Variants in ATP2C1 observed in about 807,000 individuals in gnomAD.
ATP2C1 encodes the protein ATPase secretory pathway Ca2+ transporting 1, also known as calcium-transporting ATPase type 2C member 1.
Under a neutral mutation model 120.5 loss-of-function variants are expected in ATP2C1, and 31 were observed. The observed-to-expected ratio is 0.26, with a 90% confidence interval of 0.19 to 0.35. The LOEUF (loss-of-function observed/expected upper bound fraction) is 0.35. Ranked by LOEUF, ATP2C1 falls within the 10% of genes least tolerant of loss-of-function variation. The probability of loss-of-function intolerance (pLI) is 1.00; values close to 1 mark genes in which losing one functional copy is unlikely to be tolerated. For synonymous variants in ATP2C1, 351 were observed against 358.7 expected, an observed-to-expected ratio of 0.98 and a Z score of 0.24; for missense variants, 731 against 1,107.5, an observed-to-expected ratio of 0.66 and a Z score of 4.83.
chr3:130,850,820 T>C, exon 1 of ATP2C1: 21 of 1,426,952 alleles, frequency 1.5e-5, no homozygotes, highest in Non-Finnish European at 1.8e-5. Flanking sequence ...CTTTCCTCAC[T>C]ATGGATAGTC....
At chr3:130,873,826 A>G (rs1576563548) in intron 1 of ATP2C1, among the ~76,000 whole-genome samples, 1 of 152,128 alleles carries the variant, frequency 6.6e-6, no homozygotes, top group African/African-American at 2.4e-5. Context: ...AAGAAAAAAA[A>G]TCTAGCCAGG....
rs1040036001 is a variant in ATP2C1 at position 130,895,364 on chromosome 3, T to A, written c.6+589T>A. On this transcript the variant is annotated intron_variant, in intron 2 of 27. Transcript: ENST00000510168. ...CATTTAGGAGGCTGACAGCGGAACCTGTTTGTTCACTGTACACTTTGGACA... is the reference window on the plus strand; with the variant it reads ...CATTTAGGAGGCTGACAGCGGAACCAGTTTGTTCACTGTACACTTTGGACA... 3.3e-5 allele frequency among the ~76,000 whole-genome samples: 5 copies of A among 152,366 alleles called. No homozygotes were observed. In the East Asian group the frequency reaches 9.6e-4, roughly 29 times the overall value.
chr3:130,955,503 G>T (rs1035357228), intron 10 of ATP2C1, among the ~76,000 whole-genome samples: 1 of 152,082 alleles, frequency 6.6e-6, no homozygotes, highest in African/African-American at 2.4e-5. Flanking sequence ...AGATATTCTC[G>T]GCTAAAAGTA....
intron 2 of ATP2C1, among the ~76,000 whole-genome samples, chr3:130,903,816 G>A (rs1165369700): frequency 1.3e-5 from 2 of 151,722 alleles, no homozygotes; most frequent in African/African-American, 4.8e-5. Flanking sequence ...AATATAGGAT[G>A]GCAACAAAAT....
chr3:130,985,816 C>G (rs1277914617), intron 20 of ATP2C1, among the ~76,000 whole-genome samples: 1 of 152,132 alleles, frequency 6.6e-6, no homozygotes, highest in African/African-American at 2.4e-5. Flanking sequence ...TGAAGTCTTG[C>G]AGCATGATGA....
intron 2 of ATP2C1, among the ~76,000 whole-genome samples, chr3:130,915,108 C>G (rs2058623317): frequency 6.6e-6 from 1 of 151,380 alleles, no homozygotes; most frequent in African/African-American, 2.4e-5. Flanking sequence ...TTTTTCCCCC[C>G]CTTGAGACGA....
chr3:130,958,996 A>G (rs1373133843), intron 11 of ATP2C1, among the ~76,000 whole-genome samples: 2 of 152,054 alleles, frequency 1.3e-5, no homozygotes. Flanking sequence ...GCTTTAAGGG[A>G]TGGTAGGAGC....
At position 130,975,419 on chromosome 3, in the gene ATP2C1, A is replaced by T; in HGVS notation, c.1501A>T (p.Thr501Ser). The T allele has an allele frequency of 6.2e-7, 1 of 1,613,974 alleles. No homozygotes were observed. Among genetic ancestry groups the T allele is most frequent in the Non-Finnish European group, 8.5e-7 (1 of 1,179,918 alleles). Residue 501 changes from threonine to serine, a missense_variant, in exon 18 of 28, where the codon ACA becomes TCA. Around this residue, in one of 3 missense-constraint regions of ATP2C1, gnomAD observed 571 missense variants for 845.9 expected, o/e 0.67. Transcript: ENST00000510168. ...ATACCAGAGCAAAGGGCAGACCTTG[A>T]CACTTACTCAGCAGCAGAGAGATGT... ...TTYQSKGQTL[T>S]LTQQQRDVYQ...
chr3:130,861,061 G>C (rs1054158813), intron 1 of ATP2C1, among the ~76,000 whole-genome samples: 1 of 152,188 alleles, frequency 6.6e-6, no homozygotes, highest in African/African-American at 2.4e-5. Flanking sequence ...GTTGAGGTCA[G>C]GAGTTCAAAA....
intron 20 of ATP2C1, among the ~76,000 whole-genome samples, chr3:130,988,477 A>G (rs918974750): frequency 1.3e-5 from 2 of 152,108 alleles, no homozygotes. Context: ...AAAATACCCA[A>G]CTGTCACAAC....
intron 2 of ATP2C1, among the ~76,000 whole-genome samples, chr3:130,927,184 T>A (rs1306380651): frequency 6.6e-6 from 1 of 152,114 alleles, no homozygotes; most frequent in Non-Finnish European, 1.5e-5. Flanking sequence ...AACCTACATA[T>A]ACTAACTGGT....
At chr3:131,010,298 C>T (rs1276397833) in intron 26 of ATP2C1, among the ~76,000 whole-genome samples, 1 of 148,040 alleles carries the variant, frequency 6.8e-6, no homozygotes, top group Non-Finnish European at 1.5e-5. Flanking sequence ...TCACACCATT[C>T]TCCGGCCTCA....
chr3:130,890,029 G>A (rs1335342019), upstream of ATP2C1, among the ~76,000 whole-genome samples: 1 of 152,130 alleles, frequency 6.6e-6, no homozygotes, highest in African/African-American at 2.4e-5. Context: ...TAGGAAACAA[G>A]TAGATTGTTA....
rs1410061331 is a variant in ATP2C1 at position 130,876,846 on chromosome 3, A to C, written c.108+25918A>C. On this transcript the variant is annotated intron_variant, in intron 1 of 26. Coordinates refer to the ATP2C1 transcript ENST00000504381. ...GTCTTTCACCTCCTTGGTTAAATTT[A>C]TTACTAGGGGTTTTTTGTAGCTAGT... 2.0e-5 allele frequency among the ~76,000 whole-genome samples: 3 copies of C among 151,706 alleles called. No individual in the cohort carries two copies. The East Asian group carries it at 5.8e-4, about 29-fold the overall frequency.
chr3:130,914,310 G>C (rs1010325634), intron 2 of ATP2C1: 4 of 151,672 alleles, frequency 2.6e-5, no homozygotes, highest in Non-Finnish European at 5.9e-5. Context: ...AAGCCATATA[G>C]GTTTTTTTGT....
intron 1 of ATP2C1, among the ~76,000 whole-genome samples, chr3:130,881,489 G>T (rs1340794058): frequency 6.6e-6 from 1 of 151,856 alleles, no homozygotes; most frequent in Non-Finnish European, 1.5e-5. Context: ...CTCCCAAGTT[G>T]CTGGGACCAC....
intron 5 of ATP2C1, 67 bp from the exon 6 acceptor site, chr3:130,937,361 A>G (rs2059717510): frequency 1.5e-6 from 2 of 1,379,002 alleles, no homozygotes; most frequent in Non-Finnish European, 2.1e-6. Flanking sequence ...AGTTAGAAAA[A>G]TAAAATACAG....
At chr3:130,966,211 G>A (rs1222539522) in intron 14 of ATP2C1, among the ~76,000 whole-genome samples, 2 of 152,010 alleles carry the variant, frequency 1.3e-5, no homozygotes, top group Admixed American at 6.6e-5. Flanking sequence ...TGATATTTAC[G>A]GTGTTAGATC....
intron 11 of ATP2C1, among the ~76,000 whole-genome samples, chr3:130,957,770 C>A (rs2060644887): frequency 6.6e-6 from 1 of 152,060 alleles, no homozygotes; most frequent in Non-Finnish European, 1.5e-5. Flanking sequence ...CCAGGCTGGT[C>A]TCAAACTCCT....
Sources: allele counts gnomAD v4.1 joint callset (sites outside exome capture counted in the v4.1 genomes callset), GRCh38; gene constraint gnomAD v4.1.1; regional missense constraint gnomAD v4.1.1; transcripts MANE v1.5; gene names NCBI Gene and HGNC (gene_info 2026-07-23, HGNC 2026-07-21).